The following LOXHD1 variants were observed in gnomAD, a reference collection of about 807,000 sequenced individuals.
LOXHD1 encodes lipoxygenase homology PLAT domains 1, also known as lipoxygenase homology domain-containing protein 1.
LOXHD1 carries 205 observed loss-of-function variants against 248.2 expected under a neutral mutation model. The ratio of observed to expected loss-of-function variants is 0.83; its 90% CI spans 0.74 to 0.93. The LOEUF (loss-of-function observed/expected upper bound fraction) is 0.93. Among genes scored for constraint, LOXHD1 ranks in the 40% least tolerant of loss-of-function variants. LOXHD1 has a pLI of 0.00. For missense variants in LOXHD1, 2,930 were observed against 2,971.6 expected (o/e 0.99, Z 0.33); for synonymous variants, 1,113 against 1,162.8 (o/e 0.96, Z 0.87).
intron 34 of LOXHD1, among the ~76,000 whole-genome samples, chr18:46,515,429 G>T (rs1195023773): frequency 6.6e-6 from 1 of 151,832 alleles, no homozygotes. Context: ...GGGTAATCAA[G>T]AAATGATGGC....
At chr18:46,604,007 T>A in intron 7 of LOXHD1, 99 bp downstream of exon 7, 1 of 1,473,176 alleles carries the variant, frequency 6.8e-7, no homozygotes, top group Non-Finnish European at 9.2e-7. Flanking sequence ...CCCAGCTGGC[T>A]CCTGTTTGAT....
At position 46,635,556 on chromosome 18, in the gene LOXHD1, C is replaced by T. The variant is rs181089672; in HGVS notation, c.511+4060G>A. 7.9e-5 allele frequency among the ~76,000 whole-genome samples: 12 copies of T among 152,312 alleles called. No individual in the cohort carries two copies. The East Asian group carries it at 1.9e-3, about 24-fold the overall frequency. ...CATCTCTGTAATCAACACCCTGCCT[C>T]CCCTTCCTCTCAGATCAAGGCTGGT... On this transcript the variant is annotated intron_variant, in intron 4 of 40. Transcript: ENST00000642948.
At chr18:46,554,678 G>C (rs1442936330) in intron 21 of LOXHD1, among the ~76,000 whole-genome samples, 1 of 151,884 alleles carries the variant, frequency 6.6e-6, no homozygotes, top group Non-Finnish European at 1.5e-5. Flanking sequence ...GGGAAGGGGA[G>C]AGTGGAGGGA....
rs1195759584 is a variant in LOXHD1 at position 46,485,029 on chromosome 18, C to T, written c.6172G>A (p.Ala2058Thr). The change falls in exon 39 of 41, where the codon GCC becomes ACC. Residue 2058 changes from alanine to threonine, a missense_variant. Transcript: ENST00000642948. ...GCCTCCCCTTCCTACTTCCTAAAGGCCCGCTGCCTAGAAGAATTTTCCATG... is the reference window on the plus strand; with the variant it reads ...GCCTCCCCTTCCTACTTCCTAAAGGTCCGCTGCCTAGAAGAATTTTCCATG... Reference protein sequence around the residue: ...FLMENSSRQRAFRKGTTDTFE... With the variant: ...FLMENSSRQRTFRKGTTDTFE... The T allele has an allele frequency of 2.6e-6, 4 of 1,550,922 alleles. No homozygotes were observed. Among genetic ancestry groups the T allele is most frequent in the Admixed American group, 2.0e-5 (1 of 50,938 alleles).
chr18:46,488,601 A>G (rs1598825674), intron 38 of LOXHD1, among the ~76,000 whole-genome samples: 1 of 152,156 alleles, frequency 6.6e-6, no homozygotes, highest in Non-Finnish European at 1.5e-5. Flanking sequence ...CTTCCCCTGC[A>G]TTCTGTTTCT....
intron 38 of LOXHD1, among the ~76,000 whole-genome samples, chr18:46,487,329 G>A (rs16978570): frequency 0.02 from 2,990 of 152,302 alleles, 85 homozygotes; most frequent in African/African-American, 0.068. Flanking sequence ...GAGTGATACA[G>A]GTTGTACCAA....
At chr18:46,574,908 G>A (rs181529926) in intron 14 of LOXHD1, among the ~76,000 whole-genome samples, 86 of 152,312 alleles carry the variant, frequency 5.6e-4, no homozygotes, top group Admixed American at 8.5e-4. Flanking sequence ...AATGCAGTGT[G>A]CACACACCAA....
chr18:46,652,890 A>G (rs560687609), intron 1 of LOXHD1, among the ~76,000 whole-genome samples: 2 of 152,352 alleles, frequency 1.3e-5, no homozygotes, highest in African/African-American at 4.8e-5. Flanking sequence ...CACGTGGATA[A>G]ATCAGATATA....
At chr18:46,506,757 CTG>C (rs1217819637) in intron 36 of LOXHD1, among the ~76,000 whole-genome samples, 1 of 152,208 alleles carries the variant, frequency 6.6e-6, no homozygotes, top group African/African-American at 2.4e-5. Context: ...CTTCATTTAT[CTG>C]GCAAGAGGCT....
In LOXHD1 at chr18:46,657,004, C is replaced by T. The variant is rs2039192056; in HGVS notation, c.30G>A (p.Lys10=). The T allele has an allele frequency of 6.4e-7, 1 of 1,551,346 alleles. No homozygotes were observed. The highest frequency in any genetic ancestry group is 2.4e-5 in the East Asian group (1 of 40,914). ...ACAGGGCCAGGAAGTCGATGTCCTTCTTCCTCCGCCTTTTCTTCTGGGGCA... is the reference window on the plus strand; with the variant it reads ...ACAGGGCCAGGAAGTCGATGTCCTTTTTCCTCCGCCTTTTCTTCTGGGGCA... The part of the protein sequence containing the change: MMPQKKRRR[K]KDIDFLALYE... The change falls in exon 1 of 41, where the codon AAG becomes AAA. Residue 10 remains lysine (K), a synonymous_variant. Transcript: ENST00000642948.
intron 4 of LOXHD1, among the ~76,000 whole-genome samples, chr18:46,629,952 G>A (rs1406543045): frequency 6.6e-6 from 1 of 152,080 alleles, no homozygotes; most frequent in Non-Finnish European, 1.5e-5. Context: ...TCCCTTTCCT[G>A]TAATCATCAG....
chr18:46,542,523 G>A (rs539375719), intron 24 of LOXHD1, among the ~76,000 whole-genome samples: 2 of 152,238 alleles, frequency 1.3e-5, no homozygotes, highest in East Asian at 3.9e-4. Context: ...CAGTGTCCAG[G>A]TACAGCTCTA....
chr18:46,628,115 G>A (rs1372117036), intron 4 of LOXHD1, among the ~76,000 whole-genome samples: 1 of 152,212 alleles, frequency 6.6e-6, no homozygotes, highest in Admixed American at 6.5e-5. Context: ...CTACAGTTAT[G>A]CTGTGTGACC....
At chr18:46,562,750 T>C (rs2037555558) in intron 18 of LOXHD1, among the ~76,000 whole-genome samples, 1 of 152,138 alleles carries the variant, frequency 6.6e-6, no homozygotes, top group Non-Finnish European at 1.5e-5. Context: ...CTTTTCAACG[T>C]ACACCCAGAA....
chr18:46,491,352 C>G (rs776942397), intron 37 of LOXHD1, among the ~76,000 whole-genome samples: 4 of 152,190 alleles, frequency 2.6e-5, no homozygotes, highest in Non-Finnish European at 5.9e-5. Context: ...GTTTGTTAAA[C>G]TATAGGTTAC....
intron 40 of LOXHD1, among the ~76,000 whole-genome samples, chr18:46,481,634 T>G (rs936608660): frequency 6.6e-6 from 1 of 152,142 alleles, no homozygotes; most frequent in Admixed American, 6.5e-5. Flanking sequence ...TGCAACCCCT[T>G]CACTTCAGGA....
intron 37 of LOXHD1, among the ~76,000 whole-genome samples, chr18:46,503,908 C>T (rs530102060): frequency 2.0e-5 from 3 of 152,124 alleles, no homozygotes; most frequent in Admixed American, 6.5e-5. Flanking sequence ...CAAGATGGGC[C>T]GGCACACAGA....
chr18:46,569,395 CGGAAATGGGT>C, intron 16 of LOXHD1, 37 bp downstream of exon 16: 1 of 1,495,878 alleles, frequency 6.7e-7, no homozygotes, highest in Non-Finnish European at 9.1e-7. Context: ...AATGTGTGTT[CGGAAATGGGT>C]GGGATGATGT....
intron 11 of LOXHD1, 139 bp from the exon 12 acceptor site, chr18:46,592,207 G>A (rs1265567404): frequency 8.2e-7 from 1 of 1,219,400 alleles, no homozygotes; most frequent in Admixed American, 2.1e-5. Context: ...CAGAGGGCCG[G>A]ATTAGTATTT....
Sources: allele counts gnomAD v4.1 joint callset (sites outside exome capture counted in the v4.1 genomes callset), GRCh38; gene constraint gnomAD v4.1.1; transcripts MANE v1.5; gene names NCBI Gene and HGNC (gene_info 2026-07-23, HGNC 2026-07-21).